SPAG16: variants seen among roughly 807,000 people sequenced by gnomAD.
The protein encoded by SPAG16 is sperm associated antigen 16.
SPAG16 carries 86 observed loss-of-function variants against 80.4 expected under a neutral mutation model. That is an observed-to-expected ratio of 1.07 (90% CI 0.90 to 1.28). The LOEUF (loss-of-function observed/expected upper bound fraction) is 1.28, where lower values mean the gene tolerates loss of function less well. Ranked by LOEUF, SPAG16 falls within the 50% of genes most tolerant of loss-of-function variation. The probability of loss-of-function intolerance (pLI) is 0.00; values close to 1 mark genes in which losing one functional copy is unlikely to be tolerated. For synonymous variants in SPAG16, 294 were observed against 265.9 expected (o/e 1.11, Z -1.03); for missense variants, 870 against 765.3 (o/e 1.14, Z -1.61).
At chr2:213,845,362 T>C (rs1364550631) in intron 10 of SPAG16, among the ~76,000 whole-genome samples, 2 of 152,006 alleles carry the variant, frequency 1.3e-5, no homozygotes, top group African/African-American at 4.8e-5. Flanking sequence ...CACGCCCAGC[T>C]AATTTTTGTA....
intron 12 of SPAG16, among the ~76,000 whole-genome samples, chr2:213,946,497 A>G (rs2079480439): frequency 6.6e-6 from 1 of 152,186 alleles, no homozygotes; most frequent in African/African-American, 2.4e-5. Context: ...GATTACTCTT[A>G]GTACTCTTTT....
intron 10 of SPAG16, among the ~76,000 whole-genome samples, chr2:213,727,007 C>T (rs981425720): frequency 1.3e-5 from 2 of 152,154 alleles, no homozygotes; most frequent in Non-Finnish European, 2.9e-5. Context: ...TGCATTCAAT[C>T]TTGATATGAA....
At chr2:214,200,101 C>T (rs150160062) in intron 15 of SPAG16, among the ~76,000 whole-genome samples, 29 of 152,242 alleles carry the variant, frequency 1.9e-4, no homozygotes, top group African/African-American at 7.0e-4. Context: ...TTTCTCTCTT[C>T]TCTTGTCTGA....
chr2:214,040,643 A>G (rs2048956578), intron 13 of SPAG16, among the ~76,000 whole-genome samples: 1 of 152,184 alleles, frequency 6.6e-6, no homozygotes, highest in South Asian at 2.1e-4. Flanking sequence ...TTGTGGCTGC[A>G]TAGTATTCCA....
At chr2:213,442,890 C>T (rs139707015) in intron 9 of SPAG16, among the ~76,000 whole-genome samples, 129 of 151,872 alleles carry the variant, frequency 8.5e-4, no homozygotes, top group Middle Eastern at 3.4e-3. Context: ...ACGAAAGAAT[C>T]GATAATTAAT....
chr2:213,751,934 A>G (rs2068094452), intron 10 of SPAG16, among the ~76,000 whole-genome samples: 2 of 152,196 alleles, frequency 1.3e-5, no homozygotes, highest in Admixed American at 1.3e-4. Context: ...AGAGACCACA[A>G]AACCAAATTG....
chr2:214,028,064 C>T (rs1482233951), intron 13 of SPAG16, among the ~76,000 whole-genome samples: 1 of 151,944 alleles, frequency 6.6e-6, no homozygotes, highest in Non-Finnish European at 1.5e-5. Flanking sequence ...ATTTGCAACA[C>T]ACATTTTTAT....
At chr2:213,784,626 TAAAAAAA>T (rs71063777) in intron 10 of SPAG16, among the ~76,000 whole-genome samples, 12 of 47,904 alleles carry the variant, frequency 2.5e-4, no homozygotes, top group Non-Finnish European at 3.6e-4. Context: ...CAATTATTTC[TAAAAAAA>T]AAAAAAAAAA....
chr2:213,887,578 A>G (rs57957773), intron 11 of SPAG16, among the ~76,000 whole-genome samples: 2,312 of 151,944 alleles, frequency 0.015, 62 homozygotes, highest in African/African-American at 0.053. Flanking sequence ...GGAGGGGAAG[A>G]AAAATGCACT....
chr2:214,177,628 GT>G (rs1192376850), intron 15 of SPAG16, among the ~76,000 whole-genome samples: 1 of 150,270 alleles, frequency 6.7e-6, no homozygotes, highest in African/African-American at 2.4e-5. Flanking sequence ...CAGAAGGTAG[GT>G]TTTTTGTGAA....
intron 9 of SPAG16, among the ~76,000 whole-genome samples, chr2:213,415,225 A>G (rs2069185092): frequency 1.3e-5 from 2 of 152,202 alleles, no homozygotes; most frequent in African/African-American, 4.8e-5. Flanking sequence ...AAAGATCTAG[A>G]GGTCAGCCCC....
chr2:213,679,185 A>C (rs899135342), intron 10 of SPAG16, among the ~76,000 whole-genome samples: 4 of 152,214 alleles, frequency 2.6e-5, no homozygotes, highest in African/African-American at 9.6e-5. Flanking sequence ...CTGTGACATG[A>C]AACAGATTTA....
At position 213,398,786 on chromosome 2, in the gene SPAG16, C is replaced by G. The variant is rs1397596503; in HGVS notation, c.942+23667C>G. Among the ~76,000 whole-genome samples the G allele has an allele frequency of 3.3e-5, 5 of 152,104 alleles. 1 individual carries two copies. The highest frequency in any genetic ancestry group is 2.9e-5 in the Non-Finnish European group (2 of 67,996). The stretch of plus-strand genomic sequence containing the variant: ...ACTTATTAACTCATTGTATCACTTC[C>G]CACTAGAATGTAAGTCCCATGAAAG... On this transcript the variant is annotated intron_variant, in intron 9 of 15. Transcript: ENST00000331683.
intron 13 of SPAG16, among the ~76,000 whole-genome samples, chr2:214,079,298 G>A (rs1190892843): frequency 1.3e-5 from 2 of 152,090 alleles, no homozygotes; most frequent in Non-Finnish European, 1.5e-5. Context: ...CTTATGATAT[G>A]TAGGGCACCA....
At chr2:213,295,986 T>A (rs1266456419) in intron 1 of SPAG16, 78 bp from the exon 2 acceptor site, 1 of 1,199,106 alleles carries the variant, frequency 8.3e-7, no homozygotes, top group African/African-American at 1.5e-5. Flanking sequence ...TCCAATACTA[T>A]ATTTGAAGGT....
chr2:213,569,844 G>A (rs1163360813), intron 10 of SPAG16, among the ~76,000 whole-genome samples: 2 of 134,984 alleles, frequency 1.5e-5, no homozygotes, highest in Non-Finnish European at 3.0e-5. Flanking sequence ...GGTAGAATTC[G>A]GCTGTGAATC....
intron 9 of SPAG16, among the ~76,000 whole-genome samples, chr2:213,454,635 A>G (rs1050287196): frequency 2.6e-5 from 4 of 152,214 alleles, no homozygotes; most frequent in Admixed American, 6.5e-5. Flanking sequence ...ACCGGGAAGA[A>G]AATTATAATG....
intron 13 of SPAG16, among the ~76,000 whole-genome samples, chr2:214,088,837 A>G (rs965763244): frequency 6.6e-6 from 1 of 152,062 alleles, no homozygotes; most frequent in Non-Finnish European, 1.5e-5. Flanking sequence ...GATCTGAAAA[A>G]TAGAAAGATA....
At chr2:213,296,788 A>C (rs1370452285) in intron 2 of SPAG16, among the ~76,000 whole-genome samples, 1 of 152,222 alleles carries the variant, frequency 6.6e-6, no homozygotes, top group Non-Finnish European at 1.5e-5. Flanking sequence ...TGATCAGTAC[A>C]TAAGAAGCGT....
Sources: allele counts gnomAD v4.1 joint callset (sites outside exome capture counted in the v4.1 genomes callset), GRCh38; gene constraint gnomAD v4.1.1; transcripts MANE v1.5; gene names NCBI Gene and HGNC (gene_info 2026-07-23, HGNC 2026-07-21).